Variants in IDH3G observed in about 807,000 individuals in gnomAD.
IDH3G encodes isocitrate dehydrogenase (NAD(+)) 3 non-catalytic subunit gamma, also known as isocitrate dehydrogenase [NAD] subunit gamma, mitochondrial.
A neutral mutation model predicts 26.9 loss-of-function variants in IDH3G; 9 were observed. The observed-to-expected ratio is 0.34, with a 90% confidence interval of 0.20 to 0.58. The LOEUF is 0.58. Among genes scored for constraint, IDH3G ranks in the 20% least tolerant of loss-of-function variants. IDH3G has a pLI of 0.85. For missense variants in IDH3G, 250 were observed against 372.8 expected (o/e 0.67, Z 2.71); for synonymous variants, 181 against 160.0 (o/e 1.13, Z -0.99).
chrX:153,794,269 C>T lies in IDH3G; in HGVS notation c.58G>A (p.Ala20Thr). The T allele has an allele frequency of 8.3e-7, 1 of 1,200,798 alleles. No individual in the cohort carries two copies. The highest frequency in any genetic ancestry group is 1.1e-6 in the Non-Finnish European group (1 of 891,096). Residue 20 changes from alanine to threonine, a missense_variant, in exon 1 of 13, where the codon GCC becomes ACC. Physicochemically the swap from Ala to Thr is moderately conservative, Grantham distance 58. Around this residue, in one of 2 missense-constraint regions of IDH3G, gnomAD observed 49 missense variants for 41.5 expected, o/e 1.18. Coordinates refer to ENST00000217901, the MANE Select transcript of IDH3G (RefSeq NM_004135.4). ...ACCTCCCAGGGACGGCAGAGAAGGG[C>T]TGGCCCGAGCACCGCCTTCGCGGCG... is the stretch of plus-strand genomic sequence containing the variant. ...GSAAKAVLGPALLCRPWEVLG... is the reference protein window; with the variant it reads ...GSAAKAVLGPTLLCRPWEVLG...
chrX:153,794,237 C>T lies in IDH3G; in HGVS notation c.81+9G>A. Reference sequence around the variant, plus strand: ...GCTGCCGCGGTCCCGTGGCTCTTTCCCTGCTCACCTCCCAGGGACGGCAGA... The same window carrying T: ...GCTGCCGCGGTCCCGTGGCTCTTTCTCTGCTCACCTCCCAGGGACGGCAGA... On this transcript the variant is annotated intron_variant, in intron 1 of 12. Coordinates refer to ENST00000217901, the MANE Select transcript of IDH3G (RefSeq NM_004135.4). 5 of 1,184,069 alleles carry T rather than the reference C, an allele frequency of 4.2e-6. No individual in the cohort carries two copies. The highest frequency in any genetic ancestry group is 4.5e-6 in the Non-Finnish European group (4 of 881,189).
In IDH3G at chrX:153,786,283, G is replaced by T; in HGVS notation, c.1020-11C>A. 1 of 1,204,637 alleles carries T rather than the reference G, an allele frequency of 8.3e-7. No individual in the cohort carries two copies. The highest frequency in any genetic ancestry group is 1.1e-6 in the Non-Finnish European group (1 of 890,867). On this transcript the variant is annotated splice_polypyrimidine_tract_variant and intron_variant, in intron 11 of 12. Transcript: ENST00000217901. Reference sequence around the variant, plus strand: ...GCATAGGAGTGCAGCCTAGAGGATGGGACAGCCAGCCTTCAGTCCCTGGGG... The same window carrying T: ...GCATAGGAGTGCAGCCTAGAGGATGTGACAGCCAGCCTTCAGTCCCTGGGG...
At chrX:153,792,489 GC>G (rs1280583842) in intron 1 of IDH3G, 7 of 112,396 alleles carry the variant, frequency 6.2e-5, no homozygotes, top group African/African-American at 2.3e-4. Flanking sequence ...CAGCACGCCT[GC>G]CCCTTCACCC....
chrX:153,791,991 C>G (rs1209893239), intron 1 of IDH3G, among the ~76,000 whole-genome samples: 1 of 112,192 alleles, frequency 8.9e-6, no homozygotes, highest in Non-Finnish European at 1.9e-5. Flanking sequence ...ACTTTTCTGT[C>G]TTCTCTCTAG....
intron 1 of IDH3G, chrX:153,793,955 A>G: frequency 4.1e-6 from 1 of 245,116 alleles, no homozygotes; most frequent in Middle Eastern, 1.2e-3. Context: ...CTGCCTCAGA[A>G]GGGCTCCTTC....
chrX:153,789,687 C>A (rs2092102103), intron 5 of IDH3G, 25 bp downstream of exon 5: 7 of 962,712 alleles, frequency 7.3e-6, no homozygotes, highest in Non-Finnish European at 1.0e-5. Flanking sequence ...AGGGCCCCAT[C>A]CTGGCCCCTG....
At chrX:153,788,800 T>G (rs941732810) in intron 5 of IDH3G, among the ~76,000 whole-genome samples, 2 of 112,740 alleles carry the variant, frequency 1.8e-5, no homozygotes, top group Admixed American at 1.9e-4. Context: ...GGGTTCATCT[T>G]TGCTCACACG....
chrX:153,790,564 A>G lies in IDH3G; in HGVS notation c.135T>C (p.Ile45=). The change falls in exon 3 of 13, where the codon ATT becomes ATC. Residue 45 remains isoleucine, a splice_region_variant and synonymous_variant. Coordinates refer to ENST00000217901, the MANE Select transcript of IDH3G (RefSeq NM_004135.4). Reference sequence around the variant, plus strand: ...CTAACAGGCAGAGAAGAATACTCACAATTGTTTGTTCCTAGAAAGGATGAG... The same window carrying G: ...CTAACAGGCAGAGAAGAATACTCACGATTGTTTGTTCCTAGAAAGGATGAG... ...PSRNIFSEQT[I]PPSAKYGGRH... 8.3e-7 allele frequency: 1 copy of G among 1,208,882 alleles called. No homozygotes were observed. Among genetic ancestry groups the G allele is most frequent in the Non-Finnish European group, 1.1e-6 (1 of 893,042 alleles).
intron 12 of IDH3G, 47 bp downstream of exon 12, chrX:153,786,165 G>T: frequency 8.3e-7 from 1 of 1,205,632 alleles, no homozygotes. Context: ...GAGGCTGCAG[G>T]GGGAGACTGG....
In IDH3G at chrX:153,786,888, G is replaced by A. The variant is rs141309746; in HGVS notation, c.837C>T (p.Ile279=). ...VMVMPNLYGN[I]VNNVCAGLVG... ...CCAGTCCCGCGCAGACATTGTTGAC[G>A]ATGTTGCCATAGAGATTGGGCATCA... The change falls in exon 10 of 13, where the codon ATC becomes ATT. Residue 279 remains isoleucine, a synonymous_variant. Coordinates refer to ENST00000217901, the MANE Select transcript of IDH3G (RefSeq NM_004135.4). 6.3e-5 allele frequency: 76 copies of A among 1,209,836 alleles called. 1 individual carries two copies. In the African/African-American group the frequency reaches 7.3e-4, roughly 12 times the overall value.
chrX:153,788,048 C>A, intron 6 of IDH3G, 27 bp downstream of exon 6: 1 of 1,210,583 alleles, frequency 8.3e-7, no homozygotes, highest in Non-Finnish European at 1.1e-6. Flanking sequence ...CCCCACCAAG[C>A]CCCCAGCCCG....
chrX:153,789,891 A>AG (rs1168656463), intron 4 of IDH3G, 67 bp from the exon 5 acceptor site: 1 of 730,250 alleles, frequency 1.4e-6, no homozygotes, highest in Non-Finnish European at 2.1e-6. Flanking sequence ...AAGCCTGCCC[A>AG]GGCTACCTCT....
intron 8 of IDH3G, 150 bp from the exon 9 acceptor site, chrX:153,787,303 T>C: frequency 1.3e-6 from 1 of 779,124 alleles, no homozygotes. Context: ...CCACCTCCCC[T>C]AAGTGTGGGT....
At position 153,787,535 on chromosome X, in the gene IDH3G, G is replaced by T; in HGVS notation, c.603C>A (p.Ala201=). The T allele has an allele frequency of 8.3e-7, 1 of 1,211,184 alleles. No homozygotes were observed. The highest frequency in any genetic ancestry group is 1.1e-6 in the Non-Finnish European group (1 of 895,204). Residue 201 remains alanine (A), a synonymous_variant, in exon 8 of 13, where the codon GCC becomes GCA. Transcript: ENST00000217901. The part of the protein sequence containing the change: ...IITKAKSLRI[A]EYAFKLAQES... ...CCTGCGCCAGCTTGAAGGCATACTC[G>T]GCAATGCGCAGGGACTTGGCCTTGG...
In IDH3G at chrX:153,787,570, T is replaced by C; in HGVS notation, c.568A>G (p.Lys190Glu). Reference sequence around the variant, plus strand: ...AGGGACTTGGCCTTGGTGATGATCTTCAGGCTCTCCACCACTCCCGCCACA... The same window carrying C: ...AGGGACTTGGCCTTGGTGATGATCTCCAGGCTCTCCACCACTCCCGCCACA... ...ESVAGVVESL[K>E]IITKAKSLRI... The change falls in exon 8 of 13, where the codon AAG becomes GAG. Residue 190 changes from lysine to glutamate, a missense_variant. Physicochemically the swap from Lys to Glu is moderately conservative, Grantham distance 56 (BLOSUM62 1). This residue lies in a region of IDH3G where 201 missense variants were observed against 331.3 expected (regional missense o/e 0.61). Coordinates refer to ENST00000217901, the MANE Select transcript of IDH3G (RefSeq NM_004135.4). 1 of 1,210,074 alleles carries C rather than the reference T, an allele frequency of 8.3e-7. No individual in the cohort carries two copies. Among genetic ancestry groups the C allele is most frequent in the Non-Finnish European group, 1.1e-6 (1 of 894,958 alleles).
chrX:153,785,973 T>C lies in IDH3G; in HGVS notation c.1081A>G (p.Met361Val), dbSNP rs782218762. 10 of 1,209,575 alleles carry C rather than the reference T, an allele frequency of 8.3e-6. No homozygotes were observed. In the South Asian group the frequency reaches 1.8e-4, roughly 21 times the overall value. The change falls in exon 13 of 13, where the codon ATG becomes GTG. Residue 361 changes from methionine to valine, a missense_variant and splice_region_variant. Transcript: ENST00000217901. The stretch of plus-strand genomic sequence containing the variant: ...TGGCCCCCGATGTCCGGAGTGTGCA[T>C]CTGTAGGACACAGGCAGGCTCGGCA... ...AVLASMDNEN[M>V]HTPDIGGQGT... is the part of the protein sequence containing the mutation.
chrX:153,791,362 CCCTGAGA>C (rs2092109035), intron 1 of IDH3G: 1 of 116,184 alleles, frequency 8.6e-6, no homozygotes, highest in Non-Finnish European at 1.8e-5. Flanking sequence ...CCTCCGGCCT[CCCTGAGA>C]CAAGCACTGC....
chrX:153,790,604 C>A (rs1487357060), intron 2 of IDH3G, 29 bp from the exon 3 acceptor site: 2 of 1,201,468 alleles, frequency 1.7e-6, no homozygotes, highest in South Asian at 3.5e-5. Flanking sequence ...GAAGAAGACA[C>A]AATCAGCCAA....
At chrX:153,787,368 G>T in intron 8 of IDH3G, 96 bp downstream of exon 8, 1 of 1,089,655 alleles carries the variant, frequency 9.2e-7, no homozygotes. Context: ...ACCTCGGTGG[G>T]TAGCTGGGCT....
Sources: gnomAD v4.1 joint callset for allele counts (sites outside exome capture counted in the v4.1 genomes callset) on GRCh38, gnomAD v4.1.1 for gene constraint, gnomAD v4.1.1 regional missense constraint, MANE v1.5 for transcripts, NCBI Gene and HGNC (gene_info 2026-07-23, HGNC 2026-07-21) for gene names.